The following CEP85L variants were observed in gnomAD, a reference collection of about 807,000 sequenced individuals.
CEP85L encodes centrosomal protein of 85 kDa-like.
In CEP85L, 60 loss-of-function variants were observed where a neutral mutation model predicts 100.3. The observed-to-expected ratio is 0.60, with a 90% CI of 0.49 to 0.74. The LOEUF is 0.74. Among genes scored for constraint, CEP85L ranks in the 30% least tolerant of loss-of-function variants. The probability of loss-of-function intolerance (pLI) is 0.00; values close to 1 mark genes in which losing one functional copy is unlikely to be tolerated. For missense variants in CEP85L, 973 were observed against 936.2 expected, an observed-to-expected ratio of 1.04 and a Z score of -0.51; for synonymous variants, 319 against 322.7, an observed-to-expected ratio of 0.99 and a Z score of 0.12.
At chr6:118,480,594 C>T (rs1773706595) in intron 8 of CEP85L, 81 bp from the exon 9 acceptor site, 4 of 868,164 alleles carry the variant, frequency 4.6e-6, no homozygotes, top group South Asian at 1.6e-5. Flanking sequence ...ATGATTATTG[C>T]TTTATTAAAA....
intron 2 of CEP85L, among the ~76,000 whole-genome samples, chr6:118,603,257 T>C (rs550837564): frequency 1.3e-5 from 2 of 152,138 alleles, no homozygotes; most frequent in Non-Finnish European, 2.9e-5. Context: ...TGACACTCTT[T>C]ACTTACCACA....
intron 1 of CEP85L, among the ~76,000 whole-genome samples, chr6:118,650,248 T>C (rs1583225261): frequency 6.6e-6 from 1 of 152,140 alleles, no homozygotes; most frequent in East Asian, 1.9e-4. Context: ...GCGCAGAATG[T>C]CCATATAACT....
intron 3 of CEP85L, among the ~76,000 whole-genome samples, chr6:118,552,610 A>G (rs1778613995): frequency 6.6e-6 from 1 of 150,912 alleles, no homozygotes. Context: ...TGGCTTTTCT[A>G]TTTCCTTCTT....
At chr6:118,478,069 T>C (rs1190920711) in intron 10 of CEP85L, among the ~76,000 whole-genome samples, 1 of 152,154 alleles carries the variant, frequency 6.6e-6, no homozygotes, top group African/African-American at 2.4e-5. Context: ...AGGGAATTGC[T>C]GTATTAGGTA....
intron 2 of CEP85L, among the ~76,000 whole-genome samples, chr6:118,583,831 G>A (rs992556389): frequency 1.3e-5 from 2 of 152,126 alleles, no homozygotes; most frequent in African/African-American, 2.4e-5. Context: ...CAGGACCTTC[G>A]CCTCATTAAT....
upstream of CEP85L, chr6:118,651,734 C>G: frequency 1.0e-6 from 1 of 986,744 alleles, no homozygotes. Flanking sequence ...TGAGCTACCC[C>G]GACCCCGCTT....
At chr6:118,601,203 A>ATCAAAT (rs1305643398) in intron 2 of CEP85L, among the ~76,000 whole-genome samples, 53 of 152,342 alleles carry the variant, frequency 3.5e-4, no homozygotes, top group African/African-American at 1.2e-3. Flanking sequence ...AGATCAAATG[A>ATCAAAT]GTTAACATGT....
chr6:118,535,030 A>G (rs1181291587), intron 3 of CEP85L, among the ~76,000 whole-genome samples: 1 of 152,178 alleles, frequency 6.6e-6, no homozygotes, highest in Non-Finnish European at 1.5e-5. Flanking sequence ...TGTTTTCTCT[A>G]AATAAATAAA....
At chr6:118,621,124 A>C (rs960870951) in intron 2 of CEP85L, among the ~76,000 whole-genome samples, 2 of 152,182 alleles carry the variant, frequency 1.3e-5, no homozygotes, top group Non-Finnish European at 2.9e-5. Flanking sequence ...TGAAGCTCAT[A>C]AAGGACCAGA....
chr6:118,565,879 A>T lies in CEP85L; in HGVS notation c.670T>A (p.Ser224Thr). The T allele has an allele frequency of 6.2e-7, 1 of 1,614,042 alleles. No homozygotes were observed. The highest frequency in any genetic ancestry group is 8.5e-7 in the Non-Finnish European group (1 of 1,180,002). The change falls in exon 3 of 13, where the codon TCA (serine) becomes ACA (threonine). Residue 224 changes from serine to threonine, a missense_variant. Coordinates refer to ENST00000368491, the MANE Select transcript of CEP85L (RefSeq NM_001042475.3). ...AATTTATACTTGCAGTCCAGAGTTG[A>T]TGACCGTTTTTTATTTATTTCCTTG... is the stretch of plus-strand genomic sequence containing the variant. ...EDKEINKKRS[S>T]TLDCKYKFES... is the part of the protein sequence containing the mutation.
chr6:118,480,286 T>C, intron 9 of CEP85L, 110 bp downstream of exon 9: 1 of 583,160 alleles, frequency 1.7e-6, no homozygotes, highest in East Asian at 3.1e-5. Flanking sequence ...ATGTAAGTGA[T>C]TAAATATTAA....
chr6:118,510,913 T>C (rs1775927705), intron 5 of CEP85L, among the ~76,000 whole-genome samples: 1 of 152,014 alleles, frequency 6.6e-6, no homozygotes, highest in Admixed American at 6.6e-5. Flanking sequence ...ATCTAGGTAA[T>C]GATAGAGAAA....
chr6:118,598,160 C>G (rs1781548923), intron 2 of CEP85L, among the ~76,000 whole-genome samples: 1 of 152,210 alleles, frequency 6.6e-6, no homozygotes, highest in African/African-American at 2.4e-5. Context: ...TTCCCCACAT[C>G]ATTCTTCCCT....
At chr6:118,470,200 T>C (rs1463728764) in intron 11 of CEP85L, among the ~76,000 whole-genome samples, 1 of 152,152 alleles carries the variant, frequency 6.6e-6, no homozygotes, top group Non-Finnish European at 1.5e-5. Flanking sequence ...TGAAAACTGC[T>C]AATTAAAGGT....
intron 12 of CEP85L, among the ~76,000 whole-genome samples, chr6:118,466,557 T>C (rs544622362): frequency 6.6e-6 from 1 of 152,254 alleles, no homozygotes; most frequent in South Asian, 2.1e-4. Context: ...TTCACTGGGT[T>C]GGCCAAACTG....
chr6:118,661,170 C>G (rs559718416), intron 1 of CEP85L, among the ~76,000 whole-genome samples: 1 of 152,120 alleles, frequency 6.6e-6, no homozygotes, highest in Admixed American at 6.5e-5. Flanking sequence ...CAGGTGTGAG[C>G]CACCGCGCCC....
chr6:118,465,378 C>T lies in CEP85L; in HGVS notation c.*27G>A. 1.2e-6 allele frequency: 2 copies of T among 1,603,914 alleles called. No individual in the cohort carries two copies. The highest frequency in any genetic ancestry group is 8.5e-7 in the Non-Finnish European group (1 of 1,173,646). On this transcript the variant is annotated 3_prime_UTR_variant, in exon 13 of 13. Coordinates refer to ENST00000368491, the MANE Select transcript of CEP85L (RefSeq NM_001042475.3). The stretch of plus-strand genomic sequence containing the variant: ...ACACAGCAGCATTTAAACAACAGGT[C>T]ATTATTGCTGTGGGACTAACACTTG...
At chr6:118,538,888 T>C (rs1160590867) in intron 3 of CEP85L, among the ~76,000 whole-genome samples, 1 of 151,684 alleles carries the variant, frequency 6.6e-6, no homozygotes, top group African/African-American at 2.4e-5. Flanking sequence ...TCCCTTGTAA[T>C]TAACAAACCA....
At chr6:118,609,433 A>T (rs188278590) in intron 2 of CEP85L, among the ~76,000 whole-genome samples, 168 of 152,320 alleles carry the variant, frequency 1.1e-3, no homozygotes, top group African/African-American at 3.8e-3. Context: ...CAGAAAAAAT[A>T]AGAAGAAATA....
Sources: allele counts gnomAD v4.1 joint callset (sites outside exome capture counted in the v4.1 genomes callset), GRCh38; gene constraint gnomAD v4.1.1; transcripts MANE v1.5; gene names NCBI Gene and HGNC (gene_info 2026-07-23, HGNC 2026-07-21).